Variants in FAF1 observed in about 807,000 individuals in gnomAD.
The protein encoded by FAF1 is FAS-associated factor 1.
FAF1 carries 25 observed loss-of-function variants against 92.5 expected under a neutral mutation model. That is an observed-to-expected ratio of 0.27 (90% confidence interval 0.20 to 0.38). FAF1 has a LOEUF of 0.38. Ranked by LOEUF, FAF1 falls within the 10% of genes least tolerant of loss-of-function variation. The pLI, the probability that FAF1 is intolerant of heterozygous loss-of-function variation, is 1.00. For missense variants in FAF1, 636 were observed against 793.3 expected, an observed-to-expected ratio of 0.80 and a Z score of 2.38; for synonymous variants, 234 against 273.2, an observed-to-expected ratio of 0.86 and a Z score of 1.42.
At chr1:50,851,310 T>C (rs998393808) in intron 2 of FAF1, among the ~76,000 whole-genome samples, 4 of 152,086 alleles carry the variant, frequency 2.6e-5, no homozygotes, top group African/African-American at 9.7e-5. Flanking sequence ...TCAAACTAAG[T>C]GACCCACTCG....
intron 1 of FAF1, among the ~76,000 whole-genome samples, chr1:50,949,629 G>A (rs1298723667): frequency 6.6e-6 from 1 of 152,210 alleles, no homozygotes; most frequent in Non-Finnish European, 1.5e-5. Context: ...AAAATAACCA[G>A]AGACAACATG....
intron 8 of FAF1, among the ~76,000 whole-genome samples, chr1:50,630,838 T>TC (rs1653748000): frequency 6.9e-6 from 1 of 145,736 alleles, no homozygotes; most frequent in African/African-American, 2.6e-5. Context: ...CTTTTTTTTT[T>TC]TTTTTTTTTT....
chr1:50,490,444 GAA>G, intron 17 of FAF1, 142 bp downstream of exon 17: 1 of 386,632 alleles, frequency 2.6e-6, no homozygotes. Context: ...AGGAAGGAAG[GAA>G]GGAAGGAAGG....
At chr1:50,521,960 T>A (rs1328495500) in intron 15 of FAF1, among the ~76,000 whole-genome samples, 1 of 152,228 alleles carries the variant, frequency 6.6e-6, no homozygotes, top group African/African-American at 2.4e-5. Flanking sequence ...TATATGACAA[T>A]TATTAACTTC....
chr1:50,577,473 C>A (rs1006044090), intron 12 of FAF1, among the ~76,000 whole-genome samples: 1 of 152,080 alleles, frequency 6.6e-6, no homozygotes, highest in Non-Finnish European at 1.5e-5. Context: ...TGCAGTGAGC[C>A]GAGATGGCGC....
intron 4 of FAF1, among the ~76,000 whole-genome samples, chr1:50,766,654 G>A (rs536821205): frequency 3.5e-4 from 53 of 152,226 alleles, no homozygotes; most frequent in African/African-American, 1.3e-3. Flanking sequence ...CAGGGCTACC[G>A]TGCACAGGTA....
chr1:50,572,458 T>C (rs1650490195), intron 12 of FAF1, among the ~76,000 whole-genome samples: 1 of 152,236 alleles, frequency 6.6e-6, no homozygotes, highest in South Asian at 2.1e-4. Flanking sequence ...AGCTGTTTTA[T>C]TTATTGTTTT....
chr1:50,607,744 A>T (rs538881752), intron 8 of FAF1, among the ~76,000 whole-genome samples: 1 of 152,354 alleles, frequency 6.6e-6, no homozygotes, highest in South Asian at 2.1e-4. Flanking sequence ...AACACTTGGT[A>T]TCTTTTGGTA....
chr1:50,842,759 T>C (rs1258774155), intron 2 of FAF1, among the ~76,000 whole-genome samples: 2 of 152,142 alleles, frequency 1.3e-5, no homozygotes, highest in African/African-American at 4.8e-5. Context: ...CTCTACAATA[T>C]AAAATAACCC....
Position 50,705,820 on chromosome 1 carries a change from T to A in FAF1, c.623A>T (p.Asn208Ile). ...AGTACTGCTTCCTGAGAAGTTCAGG[T>A]TGTACTCCCGCTGGACTTCTCGGTG... is the stretch of plus-strand genomic sequence containing the variant. The part of the protein sequence containing the change: ...ITHREVQREY[N>I]LNFSGSSTIQ... Residue 208 changes from asparagine to isoleucine, a missense_variant, in exon 7 of 19, where the codon AAC becomes ATC. Asn to Ile is a moderately radical substitution (Grantham distance 149). Coordinates refer to ENST00000396153, the MANE Select transcript of FAF1 (RefSeq NM_007051.3). The A allele has an allele frequency of 5.0e-6, 8 of 1,611,406 alleles. No individual in the cohort carries two copies. Among genetic ancestry groups the A allele is most frequent in the Non-Finnish European group, 6.8e-6 (8 of 1,177,710 alleles).
At chr1:50,465,369 A>T (rs187651580) in intron 18 of FAF1, among the ~76,000 whole-genome samples, 197 of 152,338 alleles carry the variant, frequency 1.3e-3, no homozygotes, top group African/African-American at 4.0e-3. Flanking sequence ...CTAGCACTTT[A>T]ACATATAATG....
chr1:50,755,207 A>G (rs1254595742), intron 4 of FAF1, among the ~76,000 whole-genome samples: 3 of 152,218 alleles, frequency 2.0e-5, no homozygotes, highest in African/African-American at 7.2e-5. Flanking sequence ...ATCAAAAGCA[A>G]GTTAGTTACT....
chr1:50,812,283 GAAA>G (rs1643923070), intron 2 of FAF1, among the ~76,000 whole-genome samples: 2 of 152,180 alleles, frequency 1.3e-5, no homozygotes, highest in South Asian at 4.2e-4. Flanking sequence ...TGGAATGGGA[GAAA>G]ATATTTGCAA....
At chr1:50,746,284 ATATATATATTTTTTTTTTTTTT>A (rs1327099504) in intron 4 of FAF1, among the ~76,000 whole-genome samples, 2 of 18,346 alleles carry the variant, frequency 1.1e-4, no homozygotes, top group East Asian at 1.8e-3. Flanking sequence ...ATATATATAT[ATATATATATTTTTTTTTTTTTT>A]TTTTTTTTTT....
intron 7 of FAF1, among the ~76,000 whole-genome samples, chr1:50,704,656 T>C (rs1657600443): frequency 6.6e-6 from 1 of 152,062 alleles, no homozygotes; most frequent in African/African-American, 2.4e-5. Context: ...GAAATTACAA[T>C]TTATACATAT....
At chr1:50,778,830 AACACACAGACAC>A (rs1661055405) in intron 4 of FAF1, among the ~76,000 whole-genome samples, 1 of 150,678 alleles carries the variant, frequency 6.6e-6, no homozygotes, top group South Asian at 2.1e-4. Context: ...AAAAAAACAA[AACACACAGACAC>A]ACACACACAC....
chr1:50,576,857 T>C (rs967584), intron 12 of FAF1, among the ~76,000 whole-genome samples: 2 of 149,428 alleles, frequency 1.3e-5, no homozygotes, highest in African/African-American at 5.0e-5. Context: ...GTAGAGATGG[T>C]GATCTCACCA....
intron 4 of FAF1, among the ~76,000 whole-genome samples, chr1:50,746,276 ATATATATATATATATATTTTTTTTTTT>A (rs1181914571): frequency 1.5e-3 from 31 of 20,460 alleles, no homozygotes; most frequent in African/African-American, 1.3e-3. Context: ...ATATATATAT[ATATATATATATATATATTTTTTTTTTT>A]TTTTTTTTTT....
chr1:50,836,170 G>GTTTTTTTGTTTTTTTTTTTTTT (rs1553144965), intron 2 of FAF1, among the ~76,000 whole-genome samples: 10 of 98,522 alleles, frequency 1.0e-4, no homozygotes, highest in East Asian at 7.6e-4. Context: ...TTTTGTTTCT[G>GTTTTTTTGTTTTTTTTTTTTTT]TTTTTTTTTT....
Sources: gnomAD v4.1 joint callset for allele counts (sites outside exome capture counted in the v4.1 genomes callset) on GRCh38, gnomAD v4.1.1 for gene constraint, MANE v1.5 for transcripts, NCBI Gene and HGNC (gene_info 2026-07-23, HGNC 2026-07-21) for gene names.